Variants in ACADVL observed in about 807,000 individuals in gnomAD.
ACADVL encodes acyl-CoA dehydrogenase very long chain.
In ACADVL, 73 loss-of-function variants were observed where a neutral mutation model predicts 80.4. The ratio of observed to expected loss-of-function variants is 0.91; its 90% CI spans 0.75 to 1.10. ACADVL has a LOEUF of 1.10. Ranked by LOEUF, ACADVL falls within the 50% of genes least tolerant of loss-of-function variation. The pLI is 0.00. For synonymous variants in ACADVL, 392 were observed against 326.5 expected (o/e 1.20, Z -2.16); for missense variants, 878 against 858.9 (o/e 1.02, Z -0.28).
chr17:7,223,941 C>T, intron 13 of ACADVL, 27 bp from the exon 14 acceptor site: 1 of 1,613,510 alleles, frequency 6.2e-7, no homozygotes, highest in African/African-American at 1.3e-5. Flanking sequence ...TCAGCACGGG[C>T]ATATAATTTG....
At chr17:7,218,346 C>A, upstream of ACADVL, 1 of 1,536,474 alleles carries the variant, frequency 6.5e-7, no homozygotes, top group South Asian at 1.2e-5. Flanking sequence ...TCACCCCTGT[C>A]ATCACCGCTG....
intron 6 of ACADVL, 103 bp from the exon 7 acceptor site, chr17:7,221,435 G>A: frequency 3.5e-5 from 7 of 200,644 alleles, no homozygotes; most frequent in Non-Finnish European, 4.5e-5. Flanking sequence ...CCCTAGGTCA[G>A]GAACTGCCCT....
chr17:7,223,016 GT>G, intron 10 of ACADVL, 116 bp from the exon 11 acceptor site: 2 of 1,444,650 alleles, frequency 1.4e-6, no homozygotes, highest in Non-Finnish European at 1.9e-6. Context: ...TCCATCCAGC[GT>G]AGACTGAACT....
upstream of ACADVL, chr17:7,219,936 C>CGGGCGTG (rs1555527399): frequency 3.8e-6 from 6 of 1,578,406 alleles, no homozygotes; most frequent in South Asian, 1.1e-5. Context: ...GTGCAGGACG[C>CGGGCGTG]CAGAGCTGGG....
chr17:7,224,266 G>A, intron 15 of ACADVL, 23 bp downstream of exon 15: 1 of 1,613,584 alleles, frequency 6.2e-7, no homozygotes, highest in Non-Finnish European at 8.5e-7. Flanking sequence ...CCAGAGCCAG[G>A]GGAGGGCAGG....
At chr17:7,220,073 G>A in intron 1 of ACADVL, 27 bp downstream of exon 1, 1 of 1,599,214 alleles carries the variant, frequency 6.3e-7, no homozygotes, top group Non-Finnish European at 8.5e-7. Context: ...AGGGACGGTG[G>A]GCAGCGGCCC....
chr17:7,221,716 G>T, intron 7 of ACADVL, 34 bp downstream of exon 7: 1 of 1,613,188 alleles, frequency 6.2e-7, no homozygotes, highest in East Asian at 2.2e-5. Context: ...GGGATTGGGG[G>T]GCACACTGGG....
upstream of ACADVL, chr17:7,218,465 C>T (rs1388971476): frequency 4.8e-6 from 7 of 1,462,010 alleles, no homozygotes; most frequent in Non-Finnish European, 6.6e-6. Flanking sequence ...CAAATGATCT[C>T]TGGGCTCCCA....
At chr17:7,217,169 G>A (rs1210786746), upstream of ACADVL, 33 of 1,284,164 alleles carry the variant, frequency 2.6e-5, no homozygotes, top group South Asian at 6.3e-5. Context: ...TGGCCGCGGC[G>A]GCGGGTAAGG....
At position 7,222,682 on chromosome 17, in the gene ACADVL, G is replaced by A. The variant is rs749598830; in HGVS notation, c.894G>A (p.Lys298=). 1.2e-6 allele frequency: 2 copies of A among 1,613,814 alleles called. No homozygotes were observed. The highest frequency in any genetic ancestry group is 8.5e-7 in the Non-Finnish European group (1 of 1,179,948). Residue 298 remains lysine (K), a synonymous_variant, in exon 10 of 20, where the codon AAG becomes AAA. Coordinates refer to ENST00000356839, the MANE Select transcript of ACADVL (RefSeq NM_000018.4). Reference sequence around the variant, plus strand: ...CCTGACACAGTGGGCCCCCTGAGAAGAAGATGGGCATCAAGGCTTCAAACA... The same window carrying A: ...CCTGACACAGTGGGCCCCCTGAGAAAAAGATGGGCATCAAGGCTTCAAACA... ...FGGITHGPPE[K]KMGIKASNTA...
chr17:7,224,839 C>A lies in ACADVL; in HGVS notation c.1782C>A (p.Pro594=), dbSNP rs1373644425. 1.4e-5 allele frequency: 22 copies of A among 1,613,944 alleles called. No homozygotes were observed. The highest frequency in any genetic ancestry group is 1.8e-5 in the Non-Finnish European group (21 of 1,180,022). ...RASRSLSEGH[P]TAQHEKMLCD... ...CAAGATCCCTGAGTGAGGGCCACCCCACGGCCCAGCATGAGAAAATGCTCT... is the reference window on the plus strand; with the variant it reads ...CAAGATCCCTGAGTGAGGGCCACCCAACGGCCCAGCATGAGAAAATGCTCT... Residue 594 remains proline, a synonymous_variant, in exon 19 of 20, where the codon CCC becomes CCA. Transcript: ENST00000356839.
upstream of ACADVL, chr17:7,218,943 G>A (rs983669374): frequency 1.1e-5 from 15 of 1,383,256 alleles, no homozygotes; most frequent in Admixed American, 5.2e-5. Context: ...AAAGTAGGCC[G>A]TCTCTGAGCC....
chr17:7,220,559 A>G (rs1321805441), intron 3 of ACADVL, 30 bp downstream of exon 3: 4 of 1,614,112 alleles, frequency 2.5e-6, no homozygotes, highest in Non-Finnish European at 3.4e-6. Flanking sequence ...GGTGGACCTT[A>G]GCCAGACCCA....
At chr17:7,224,282 G>A (rs878907608) in intron 15 of ACADVL, 39 bp downstream of exon 15, 2 of 1,613,546 alleles carry the variant, frequency 1.2e-6, no homozygotes, top group African/African-American at 1.3e-5. Context: ...GCAGGGTGGT[G>A]TATGGCAACT....
intron 11 of ACADVL, 24 bp downstream of exon 11, chr17:7,223,261 C>G: frequency 6.3e-7 from 1 of 1,585,510 alleles, no homozygotes; most frequent in Non-Finnish European, 8.7e-7. Flanking sequence ...AAGCCCCTCT[C>G]CCTGGAGCCC....
chr17:7,218,330 G>A, upstream of ACADVL: 1 of 1,570,658 alleles, frequency 6.4e-7, no homozygotes, highest in East Asian at 2.3e-5. Flanking sequence ...GGCCTCTCCA[G>A]GCACATCACC....
intron 4 of ACADVL, 43 bp from the exon 5 acceptor site, chr17:7,220,723 C>T: frequency 6.2e-7 from 1 of 1,614,092 alleles, no homozygotes; most frequent in Non-Finnish European, 8.5e-7. Flanking sequence ...GGTGGTTTCC[C>T]CTGCCAGCCT....
At chr17:7,222,572 A>G in intron 9 of ACADVL, 95 bp from the exon 10 acceptor site, 9 of 1,355,880 alleles carry the variant, frequency 6.6e-6, no homozygotes, top group Non-Finnish European at 9.2e-6. Flanking sequence ...AGTGGTCGTC[A>G]TTCCTCCCTG....
chr17:7,220,729 A>G (rs1323034557), intron 4 of ACADVL, 37 bp from the exon 5 acceptor site: 10 of 1,614,044 alleles, frequency 6.2e-6, no homozygotes, highest in Admixed American at 5.0e-5. Context: ...TTCCCCTGCC[A>G]GCCTGGCCTG....
Sources: gnomAD v4.1 joint callset for allele counts on GRCh38, gnomAD v4.1.1 for gene constraint, MANE v1.5 for transcripts, NCBI Gene and HGNC (gene_info 2026-07-23, HGNC 2026-07-21) for gene names.